The following STARD10 variants were observed in gnomAD, a reference collection of about 807,000 sequenced individuals.
STARD10 encodes the protein StAR related lipid transfer domain containing 10.
Under a neutral mutation model 36.0 loss-of-function variants are expected in STARD10, and 24 were observed. That is an observed-to-expected ratio of 0.67 (90% CI 0.48 to 0.94). The LOEUF (loss-of-function observed/expected upper bound fraction) is 0.94, where lower values mean the gene tolerates loss of function less well. STARD10 is among the 40% of genes least tolerant of loss of function. STARD10 has a pLI of 0.00. For synonymous variants in STARD10, 156 were observed against 161.9 expected (o/e 0.96, Z 0.28); for missense variants, 335 against 396.6 (o/e 0.84, Z 1.32).
chr11:72,792,080 T>G lies in STARD10; in HGVS notation c.-114+795A>C, dbSNP rs145675033. Among the ~76,000 whole-genome samples, 1,104 of 123,688 alleles carry G rather than the reference T, an allele frequency of 8.9e-3. 20 individuals are homozygous for G. The highest frequency in any genetic ancestry group is 0.033 in the African/African-American group (1,052 of 31,422). 81.1% of individuals were successfully genotyped at this position (123,688 alleles called of 152,430 possible). On this transcript the variant is annotated intron_variant, in intron 1 of 6. Transcript: ENST00000334805. ...TTTTTTTTTTTTTGAGACAGAGTCT[T>G]ACTCTGTCAGCCAGGCTGGAGTACA... is the stretch of plus-strand genomic sequence containing the variant.
chr11:72,758,510 G>C lies in STARD10; in HGVS notation c.459+20C>G. 6.2e-7 allele frequency: 1 copy of C among 1,603,084 alleles called. No homozygotes were observed. Among genetic ancestry groups the C allele is most frequent in the African/African-American group, 1.3e-5 (1 of 74,860 alleles). On this transcript the variant is annotated intron_variant, in intron 4 of 6. Coordinates refer to ENST00000334805, the MANE Select transcript of STARD10 (RefSeq NM_006645.3). Reference sequence around the variant, plus strand: ...TGACCCTCTCCCCTGCTCCACCGCAGGGAAGGCAGGTTGACTCACGGGATG... The same window carrying C: ...TGACCCTCTCCCCTGCTCCACCGCACGGAAGGCAGGTTGACTCACGGGATG...
At chr11:72,778,941 C>T (rs190636630) in intron 2 of STARD10, among the ~76,000 whole-genome samples, 44 of 152,324 alleles carry the variant, frequency 2.9e-4, no homozygotes, top group African/African-American at 1.0e-3. Context: ...CCCCGCCACC[C>T]ACAAGGAAGG....
At chr11:72,787,104 AAG>A (rs1491251456) in intron 1 of STARD10, among the ~76,000 whole-genome samples, 14 of 151,620 alleles carry the variant, frequency 9.2e-5, no homozygotes, top group Non-Finnish European at 1.9e-4. Context: ...AAAAAAAAAA[AAG>A]GAAATGGGAC....
At chr11:72,789,736 A>G (rs934359484) in intron 1 of STARD10, among the ~76,000 whole-genome samples, 4 of 152,142 alleles carry the variant, frequency 2.6e-5, no homozygotes, top group African/African-American at 9.7e-5. Context: ...GCCCTGGGTC[A>G]AGGTTCACCC....
chr11:72,780,181 C>G, intron 2 of STARD10: 1 of 449,584 alleles, frequency 2.2e-6, no homozygotes, highest in South Asian at 1.6e-5. Context: ...GCCCCTGCCC[C>G]ATCTGGTCCC....
In STARD10 at chr11:72,754,907, G is replaced by A. The variant is rs1375650745; in HGVS notation, c.866C>T (p.Ser289Leu). The A allele has an allele frequency of 6.9e-6, 11 of 1,598,950 alleles. No homozygotes were observed. In the Admixed American group the frequency reaches 1.0e-4, roughly 15 times the overall value. Reference sequence around the variant, plus strand: ...GAAGCGGTGCGGCGCTCAGGTGAGCGAGGTGTCGTCGTCGCTGCCCTCGCC... The same window carrying A: ...GAAGCGGTGCGGCGCTCAGGTGAGCAAGGTGTCGTCGTCGCTGCCCTCGCC... The part of the protein sequence containing the change: ...AGGEGSDDDT[S>L]LT Residue 289 changes from serine (S) to leucine (L), a missense_variant, in exon 7 of 7, where the codon TCG (serine) becomes TTG (leucine). Physicochemically the swap from Ser to Leu is moderately radical, Grantham distance 145. Coordinates refer to ENST00000334805, the MANE Select transcript of STARD10 (RefSeq NM_006645.3).
intron 1 of STARD10, among the ~76,000 whole-genome samples, chr11:72,791,198 C>G (rs1859138940): frequency 6.6e-6 from 1 of 152,162 alleles, no homozygotes; most frequent in Non-Finnish European, 1.5e-5. Flanking sequence ...CAGGGACTCA[C>G]CTGGGGTCAC....
rs74874829 is a variant in STARD10 at position 72,790,882 on chromosome 11, G to A, written c.-114+1993C>T. On this transcript the variant is annotated intron_variant, in intron 1 of 6. Coordinates refer to ENST00000334805, the MANE Select transcript of STARD10 (RefSeq NM_006645.3). ...TCAGAAATGCAGGCACCCAGGGCAG[G>A]GTGTGGAGGTATCTAGAGATGGTCA... is the stretch of plus-strand genomic sequence containing the variant. Among the ~76,000 whole-genome samples the A allele has an allele frequency of 7.0e-3, 1,067 of 152,302 alleles. 7 individuals carry two copies. The highest frequency in any genetic ancestry group is 0.011 in the Non-Finnish European group (731 of 68,018).
At chr11:72,758,425 G>A (rs1398855628) in intron 4 of STARD10, 105 bp downstream of exon 4, 7 of 842,794 alleles carry the variant, frequency 8.3e-6, no homozygotes, top group Middle Eastern at 2.2e-4. Context: ...AGGGCCAGTG[G>A]GCCCATGCCT....
At chr11:72,778,256 T>A (rs889424985) in intron 2 of STARD10, among the ~76,000 whole-genome samples, 3 of 152,236 alleles carry the variant, frequency 2.0e-5, no homozygotes, top group African/African-American at 7.2e-5. Flanking sequence ...TTGCCTCAGC[T>A]GTGGCATGAC....
intron 2 of STARD10, among the ~76,000 whole-genome samples, chr11:72,776,038 G>A (rs1858925995): frequency 6.6e-6 from 1 of 152,188 alleles, no homozygotes; most frequent in Admixed American, 6.5e-5. Context: ...CTGGGGTCAT[G>A]CTCTCTGGGA....
intron 2 of STARD10, among the ~76,000 whole-genome samples, chr11:72,772,663 ATC>A (rs144004318): frequency 6.6e-6 from 1 of 150,462 alleles, no homozygotes. Flanking sequence ...CTGTCTGTCT[ATC>A]TCTCTCTCTC....
intron 1 of STARD10, among the ~76,000 whole-genome samples, chr11:72,785,433 C>A (rs1210165845): frequency 2.6e-5 from 4 of 151,722 alleles, no homozygotes; most frequent in African/African-American, 9.7e-5. Context: ...GGTGTGGTGG[C>A]ACGCACCTGG....
At chr11:72,780,912 G>A (rs757283408) in intron 2 of STARD10, 63 bp downstream of exon 2, 18 of 1,533,560 alleles carry the variant, frequency 1.2e-5, no homozygotes, top group Non-Finnish European at 1.6e-5. Flanking sequence ...AGAGGACCAG[G>A]AGACTCCGGG....
intron 1 of STARD10, among the ~76,000 whole-genome samples, 163 bp downstream of exon 1, chr11:72,792,712 C>T (rs562297358): frequency 6.6e-6 from 1 of 152,290 alleles, no homozygotes; most frequent in African/African-American, 2.4e-5. Flanking sequence ...GTATCACCTC[C>T]AGCTCCACTG....
intron 1 of STARD10, chr11:72,783,609 T>C (rs1859033132): frequency 1.3e-5 from 2 of 152,974 alleles, no homozygotes; most frequent in African/African-American, 2.4e-5. Context: ...GGGACCCCAT[T>C]AGAGCCAAAG....
rs572162363 is a variant in STARD10, at chr11:72,781,249, G to C, written c.-68C>G. 2 of 1,382,454 alleles carry C rather than the reference G, an allele frequency of 1.4e-6. No individual in the cohort carries two copies. Among genetic ancestry groups the C allele is most frequent in the Middle Eastern group, 2.3e-4 (1 of 4,282 alleles). The allele number at this position is 1,382,454 out of a possible 1,614,324, so 85.6% of individuals were successfully genotyped here. A position where few individuals can be genotyped will look rare whatever the true frequency, so the allele number is the denominator to read the frequency against. On this transcript the variant is annotated 5_prime_UTR_variant, in exon 2 of 7. Coordinates refer to ENST00000334805, the MANE Select transcript of STARD10 (RefSeq NM_006645.3). This position sits in a 1 kb window ranked among gnomAD's most constrained non-coding sequence, Gnocchi z 4.7. ...CTCCTGGGTCCTCCGCGGAGGCTCCGACAACGTCGACGCGGCTGCAGATGC... is the reference window on the plus strand; with the variant it reads ...CTCCTGGGTCCTCCGCGGAGGCTCCCACAACGTCGACGCGGCTGCAGATGC...
intron 2 of STARD10, among the ~76,000 whole-genome samples, chr11:72,770,872 AAGG>A (rs1303669228): frequency 6.6e-6 from 1 of 152,132 alleles, no homozygotes; most frequent in African/African-American, 2.4e-5. Context: ...TGGTTGGGGG[AAGG>A]AGAAGGATCA....
At chr11:72,766,941 A>G (rs965475248) in intron 2 of STARD10, among the ~76,000 whole-genome samples, 2 of 152,200 alleles carry the variant, frequency 1.3e-5, no homozygotes, top group Admixed American at 6.5e-5. Flanking sequence ...AGTCCTAGGG[A>G]CCCAGGAAAT....
Sources: allele counts gnomAD v4.1 joint callset (sites outside exome capture counted in the v4.1 genomes callset), GRCh38; gene constraint gnomAD v4.1.1; non-coding constraint Gnocchi (gnomAD v3.1); transcripts MANE v1.5; gene names NCBI Gene and HGNC (gene_info 2026-07-23, HGNC 2026-07-21).